Variants in USP40 observed in about 807,000 individuals in gnomAD.
USP40 encodes the protein ubiquitin carboxyl-terminal hydrolase 40.
A neutral mutation model predicts 166.2 loss-of-function variants in USP40; 143 were observed. The ratio of observed to expected loss-of-function variants is 0.86; its 90% CI spans 0.75 to 0.99. The LOEUF is 0.99. Ranked by LOEUF, USP40 falls within the 50% of genes least tolerant of loss-of-function variation. The pLI, the probability that USP40 is intolerant of heterozygous loss-of-function variation, is 0.00. For synonymous variants in USP40, 498 were observed against 524.0 expected (o/e 0.95, Z 0.68); for missense variants, 1,444 against 1,479.7 (o/e 0.98, Z 0.40).
chr2:233,527,209 C>T (rs1168558537), intron 13 of USP40, among the ~76,000 whole-genome samples, 198 bp downstream of exon 13: 1 of 152,080 alleles, frequency 6.6e-6, no homozygotes. Flanking sequence ...TGAAAAGCTG[C>T]TGGTAGGAGC....
intron 6 of USP40, 170 bp downstream of exon 6, chr2:233,554,207 AAAG>A: frequency 3.0e-6 from 2 of 675,060 alleles, no homozygotes; most frequent in South Asian, 1.2e-4. Flanking sequence ...TGTTGGGTTG[AAAG>A]CCTTAAAAAT....
chr2:233,562,563 T>G (rs2071737412), intron 3 of USP40, among the ~76,000 whole-genome samples, 173 bp downstream of exon 3: 2 of 82,632 alleles, frequency 2.4e-5, no homozygotes, highest in African/African-American at 4.8e-5. Flanking sequence ...TGGGGACTGT[T>G]GTGGGTTGGG....
At chr2:233,521,909 C>T (rs1248145454) in intron 16 of USP40, among the ~76,000 whole-genome samples, 1 of 152,154 alleles carries the variant, frequency 6.6e-6, no homozygotes, top group Admixed American at 6.5e-5. Context: ...AAACATTTAG[C>T]ACTTACTGTG....
chr2:233,493,619 TAGAA>T lies in USP40; in HGVS notation c.2791-72_2791-69del, dbSNP rs1464165261. The T allele has an allele frequency of 6.7e-7, 1 of 1,484,414 alleles. No individual in the cohort carries two copies. Among genetic ancestry groups the T allele is most frequent in the East Asian group, 2.4e-5 (1 of 41,412 alleles). 92.0% of individuals were successfully genotyped at this position (1,484,414 alleles called of 1,614,324 possible). On this transcript the variant is annotated intron_variant, in intron 24 of 31. Transcript: ENST00000678225. The surrounding 1 kb of genome is among the most constrained non-coding windows in gnomAD (Gnocchi z 4.7). ...AAGTGAAACTCTACTTTTACTTCCA[TAGAA>T]AGAAACACCTTGATGACCTAAGATG... is the stretch of plus-strand genomic sequence containing the variant.
At chr2:233,559,503 G>A (rs762544486) in intron 4 of USP40, among the ~76,000 whole-genome samples, 3 of 152,154 alleles carry the variant, frequency 2.0e-5, no homozygotes, top group Admixed American at 6.5e-5. Context: ...CCATGTAATC[G>A]GTGTTGTATC....
chr2:233,526,321 G>A (rs1171299830), intron 13 of USP40, among the ~76,000 whole-genome samples: 2 of 152,148 alleles, frequency 1.3e-5, no homozygotes, highest in African/African-American at 4.8e-5. Flanking sequence ...CACTTACAAA[G>A]TGAATAAGAT....
rs1425294967 is a variant in USP40, at chr2:233,533,594, T to C, written c.1356A>G (p.Ile452Met). 2 of 1,613,908 alleles carry C rather than the reference T, an allele frequency of 1.2e-6. No individual in the cohort carries two copies. Among genetic ancestry groups the C allele is most frequent in the South Asian group, 2.2e-5 (2 of 91,074 alleles). ...TGATTGGCTGGACTTTAGAATCATT[T>C]ATATCAAACCAGTGGGGACAGGAGA... ...NSISCPHWFD[I>M]NDSKVQPIRE... is the part of the protein sequence containing the mutation. The change falls in exon 11 of 32, where the codon ATA becomes ATG. Residue 452 changes from isoleucine to methionine, a missense_variant. Coordinates refer to ENST00000678225, the MANE Select transcript of USP40 (RefSeq NM_001365479.2).
intron 2 of USP40, among the ~76,000 whole-genome samples, chr2:233,564,969 A>C (rs1444770716): frequency 6.6e-6 from 1 of 152,194 alleles, no homozygotes; most frequent in Non-Finnish European, 1.5e-5. Flanking sequence ...CCCCACTCCA[A>C]AAGGTAGATA....
At chr2:233,519,870 G>GT (rs2067532774) in intron 17 of USP40, among the ~76,000 whole-genome samples, 199 bp from the exon 18 acceptor site, 1 of 152,084 alleles carries the variant, frequency 6.6e-6, no homozygotes, top group Admixed American at 6.5e-5. Flanking sequence ...TCATAGTTAA[G>GT]TTTTTACCAA....
intron 10 of USP40, among the ~76,000 whole-genome samples, chr2:233,540,123 C>CAAAA (rs74742520): frequency 1.2e-4 from 6 of 50,072 alleles, no homozygotes; most frequent in African/African-American, 2.9e-4. Flanking sequence ...GACCTCAACT[C>CAAAA]AAAAAAAAAA....
rs927911633 is a variant in USP40 at position 233,476,810 on chromosome 2, C to T, written c.*582G>A. 3 of 164,560 alleles carry T rather than the reference C, an allele frequency of 1.8e-5. No individual in the cohort carries two copies. The highest frequency in any genetic ancestry group is 4.0e-5 in the Non-Finnish European group (3 of 75,028). 10.2% of individuals were successfully genotyped at this position (164,560 alleles called of 1,614,324 possible). The stretch of plus-strand genomic sequence containing the variant: ...CCTCGTGGAAAGAGCTCGCACTTTT[C>T]AGCATCGCAGTTTTAACTCAGACCA... On this transcript the variant is annotated 3_prime_UTR_variant, in exon 32 of 32. Transcript: ENST00000678225.
rs1411478444 is a variant in USP40, at chr2:233,486,267, G to A, written c.3198-290C>T. 6.6e-6 allele frequency among the ~76,000 whole-genome samples: 1 copy of A among 152,222 alleles called. No homozygotes were observed. The highest frequency in any genetic ancestry group is 1.5e-5 in the Non-Finnish European group (1 of 68,038). On this transcript the variant is annotated intron_variant, in intron 28 of 31. Coordinates refer to ENST00000678225, the MANE Select transcript of USP40 (RefSeq NM_001365479.2). The surrounding 1 kb of genome is among the most constrained non-coding windows in gnomAD (Gnocchi z 4.0). ...GAGAAAAGGAAAGAGGTGGCGGCCT[G>A]AGCAGGTACGATGTGGCAGAGAGGG... is the stretch of plus-strand genomic sequence containing the variant.
At position 233,559,920 on chromosome 2, in the gene USP40, C is replaced by T. The variant is rs767926453; in HGVS notation, c.272G>A (p.Arg91Gln). The change falls in exon 4 of 32, where the codon CGA (arginine) becomes CAA (glutamine). Residue 91 changes from arginine to glutamine, a missense_variant. By Grantham distance (43) the Arg-to-Gln change is conservative (BLOSUM62 1). Coordinates refer to ENST00000678225, the MANE Select transcript of USP40 (RefSeq NM_001365479.2). ...EDKDKPDAKV[R>Q]IIPLQLQRLF... ...GCGCTGTAACTGTAAAGGGATGATTCGAACCTGAATGAGAAACAAACACAT... is the reference window on the plus strand; with the variant it reads ...GCGCTGTAACTGTAAAGGGATGATTTGAACCTGAATGAGAAACAAACACAT... 4.4e-5 allele frequency: 70 copies of T among 1,599,344 alleles called. No individual in the cohort carries two copies. Among genetic ancestry groups the T allele is most frequent in the African/African-American group, 1.2e-4 (9 of 74,622 alleles).
chr2:233,499,895 C>G lies in USP40; in HGVS notation c.2634G>C (p.Lys878Asn). 1 of 1,611,972 alleles carries G rather than the reference C, an allele frequency of 6.2e-7. No homozygotes were observed. Among genetic ancestry groups the G allele is most frequent in the Non-Finnish European group, 8.5e-7 (1 of 1,179,120 alleles). Reference protein sequence around the residue: ...SVRDCLKLMLKKSGLQGDAWH... With the variant: ...SVRDCLKLMLNKSGLQGDAWH... ...GTAACTTACCTTGTAGGCCAGATTT[C>G]TTCAGCATTAACTTTAAACACTGTA... The change falls in exon 22 of 32, where the codon AAG (lysine) becomes AAC (asparagine). Residue 878 changes from lysine to asparagine, a missense_variant. Transcript: ENST00000678225.
At chr2:233,520,812 A>T (rs147029851) in intron 17 of USP40, among the ~76,000 whole-genome samples, 179 bp downstream of exon 17, 268 of 152,288 alleles carry the variant, frequency 1.8e-3, no homozygotes, top group Admixed American at 4.5e-3. Context: ...TATTTTCTTG[A>T]AATATGCTAA....
intron 30 of USP40, among the ~76,000 whole-genome samples, chr2:233,482,293 G>C (rs2064661529): frequency 6.6e-6 from 1 of 151,978 alleles, no homozygotes; most frequent in Admixed American, 6.5e-5. Flanking sequence ...GAACTCGGGA[G>C]GTGGAGGTTC....
intron 21 of USP40, among the ~76,000 whole-genome samples, chr2:233,509,838 T>TA (rs746629187): frequency 0.021 from 1,664 of 80,738 alleles, 34 homozygotes; most frequent in African/African-American, 0.055. Flanking sequence ...TGAGACTCTC[T>TA]AAAAAAAAAA....
intron 18 of USP40, among the ~76,000 whole-genome samples, chr2:233,516,862 G>GAA (rs774667692): frequency 1.8e-5 from 2 of 113,064 alleles, no homozygotes. Context: ...GTCTCGAATT[G>GAA]AAAAAAAAAA....
At chr2:233,501,199 TTG>T (rs1242841913) in intron 21 of USP40, among the ~76,000 whole-genome samples, 1 of 152,202 alleles carries the variant, frequency 6.6e-6, no homozygotes, top group Admixed American at 6.5e-5. Flanking sequence ...ATCAACTTAA[TTG>T]TGTTTTAGGA....
Sources: gnomAD v4.1 joint callset for allele counts (sites outside exome capture counted in the v4.1 genomes callset) on GRCh38, gnomAD v4.1.1 for gene constraint, Gnocchi (gnomAD v3.1) non-coding constraint, MANE v1.5 for transcripts, NCBI Gene and HGNC (gene_info 2026-07-23, HGNC 2026-07-21) for gene names.